GRID2: variants seen among roughly 807,000 people sequenced by gnomAD.
The protein encoded by GRID2 is glutamate ionotropic receptor delta type subunit 2.
In GRID2, 33 loss-of-function variants were observed where a neutral mutation model predicts 114.8. The ratio of observed to expected loss-of-function variants is 0.29; its 90% CI spans 0.22 to 0.38. The LOEUF (loss-of-function observed/expected upper bound fraction) is 0.38, where lower values mean the gene tolerates loss of function less well. Ranked by LOEUF, GRID2 falls within the 10% of genes least tolerant of loss-of-function variation. GRID2 has a pLI of 1.00. For missense variants in GRID2, 1,184 were observed against 1,257.7 expected (o/e 0.94, Z 0.89); for synonymous variants, 505 against 449.9 (o/e 1.12, Z -1.55).
chr4:93,491,557 A>G (rs1041153983), intron 12 of GRID2, among the ~76,000 whole-genome samples: 2 of 151,996 alleles, frequency 1.3e-5, no homozygotes, highest in African/African-American at 4.8e-5. Flanking sequence ...ATAATGTTCT[A>G]TATATTGTTT....
intron 1 of GRID2, among the ~76,000 whole-genome samples, chr4:92,540,857 G>A (rs376758950): frequency 9.2e-5 from 14 of 152,072 alleles, no homozygotes; most frequent in East Asian, 3.9e-4. Flanking sequence ...TGTTTATTGC[G>A]GCACTATTCA....
At chr4:93,244,991 A>T (rs1046520398) in intron 8 of GRID2, among the ~76,000 whole-genome samples, 214 of 152,046 alleles carry the variant, frequency 1.4e-3, no homozygotes, top group Non-Finnish European at 2.0e-3. Context: ...TCATAGTTCT[A>T]ACAATGAATT....
chr4:92,717,081 C>T (rs1735587068), intron 2 of GRID2, among the ~76,000 whole-genome samples: 1 of 152,114 alleles, frequency 6.6e-6, no homozygotes. Context: ...AGTGCAATGA[C>T]CACTTAATAC....
chr4:93,310,043 C>CT (rs1755850165), intron 8 of GRID2, among the ~76,000 whole-genome samples: 1 of 152,048 alleles, frequency 6.6e-6, no homozygotes, highest in African/African-American at 2.4e-5. Context: ...CCTGATATTC[C>CT]ACTAGAAGGG....
At chr4:92,887,474 T>TCA (rs1746453004) in intron 2 of GRID2, among the ~76,000 whole-genome samples, 1 of 152,172 alleles carries the variant, frequency 6.6e-6, no homozygotes, top group African/African-American at 2.4e-5. Context: ...GCAGAAATCA[T>TCA]TTGTGTCATG....
At chr4:92,663,916 A>G (rs1419257104) in intron 2 of GRID2, among the ~76,000 whole-genome samples, 3 of 151,180 alleles carry the variant, frequency 2.0e-5, no homozygotes, top group Non-Finnish European at 3.0e-5. Flanking sequence ...TGATCTGTGT[A>G]TTTCACTTCA....
intron 2 of GRID2, among the ~76,000 whole-genome samples, chr4:93,004,097 T>C (rs1721269930): frequency 6.6e-6 from 1 of 151,920 alleles, no homozygotes; most frequent in Non-Finnish European, 1.5e-5. Flanking sequence ...TAAAATGTGG[T>C]ATATGCAAAA....
intron 9 of GRID2, among the ~76,000 whole-genome samples, chr4:93,403,226 A>G (rs771629038): frequency 2.0e-5 from 3 of 152,248 alleles, no homozygotes; most frequent in Admixed American, 6.6e-5. Flanking sequence ...GCTGATATCT[A>G]AAATAAACTT....
intron 13 of GRID2, among the ~76,000 whole-genome samples, chr4:93,612,140 C>CT (rs1740999000): frequency 6.6e-6 from 1 of 151,654 alleles, no homozygotes; most frequent in South Asian, 2.1e-4. Context: ...CAACCCCTGC[C>CT]TTTTTTTGTT....
chr4:92,712,414 G>A (rs971423556), intron 2 of GRID2, among the ~76,000 whole-genome samples: 1 of 151,880 alleles, frequency 6.6e-6, no homozygotes, highest in African/African-American at 2.4e-5. Context: ...CTAAGAGTTT[G>A]CACTTGTATC....
chr4:93,789,887 G>A lies in GRID2; in HGVS notation c.222-16828G>A, dbSNP rs1734662533. ...TGTTAGGAACTGGGCTGCACAGCAA[G>A]AAGTGAATGGGGGTAAGTGAGCACT... On this transcript the variant is annotated intron_variant, in intron 1 of 1. Coordinates refer to the GRID2 transcript ENST00000637838. Among the ~76,000 whole-genome samples the A allele has an allele frequency of 2.0e-5, 3 of 152,180 alleles. 1 individual carries two copies. Among genetic ancestry groups the A allele is most frequent in the Admixed American group, 2.0e-4 (3 of 15,284 alleles).
chr4:93,212,253 T>G (rs1468715104), intron 5 of GRID2, among the ~76,000 whole-genome samples: 2 of 152,168 alleles, frequency 1.3e-5, no homozygotes, highest in African/African-American at 4.8e-5. Flanking sequence ...TTTAATCTTA[T>G]TGCATCAATA....
chr4:92,305,428 C>T (rs1725328765), intron 1 of GRID2, among the ~76,000 whole-genome samples: 1 of 152,148 alleles, frequency 6.6e-6, no homozygotes, highest in Non-Finnish European at 1.5e-5. Context: ...CGGGGCCTGG[C>T]GCGGCGGCGA....
At chr4:92,308,315 A>G (rs1319478725) in intron 1 of GRID2, among the ~76,000 whole-genome samples, 1 of 152,188 alleles carries the variant, frequency 6.6e-6, no homozygotes, top group African/African-American at 2.4e-5. Flanking sequence ...CTGATTGTAA[A>G]TTAGCTGTCC....
Position 92,441,933 on chromosome 4 carries a change from C to T in GRID2, c.88+137189C>T, listed in dbSNP as rs574587724. Among the ~76,000 whole-genome samples, 483 of 151,566 alleles carry T rather than the reference C, an allele frequency of 3.2e-3. 4 individuals are homozygous for T. The highest frequency in any genetic ancestry group is 0.011 in the African/African-American group (447 of 41,360). On this transcript the variant is annotated intron_variant, in intron 1 of 15. Transcript: ENST00000282020. ...AGCAGATAATTTAGTTAAAGTGTCT[C>T]AGCCTAATAAGGGAACTGGGCAGGT...
At chr4:92,367,644 A>C (rs1283079193) in intron 1 of GRID2, among the ~76,000 whole-genome samples, 1 of 152,124 alleles carries the variant, frequency 6.6e-6, no homozygotes, top group Non-Finnish European at 1.5e-5. Flanking sequence ...AGCTGTGATC[A>C]CTTAGGATAC....
chr4:92,877,097 A>C (rs1745687648), intron 2 of GRID2, among the ~76,000 whole-genome samples: 1 of 152,238 alleles, frequency 6.6e-6, no homozygotes, highest in Non-Finnish European at 1.5e-5. Flanking sequence ...AAAACTCTCC[A>C]TTAAAAGAAC....
At chr4:92,553,835 A>T (rs750057284) in intron 1 of GRID2, among the ~76,000 whole-genome samples, 1 of 152,100 alleles carries the variant, frequency 6.6e-6, no homozygotes, top group Non-Finnish European at 1.5e-5. Flanking sequence ...TATTTTTAGT[A>T]GAGACGGGCT....
chr4:92,794,874 T>TTTTATA (rs139320071), intron 2 of GRID2, among the ~76,000 whole-genome samples: 37 of 106,034 alleles, frequency 3.5e-4, no homozygotes, highest in Non-Finnish European at 4.3e-4. Context: ...AATAATTGTT[T>TTTTATA]TATATATATA....
Sources: allele counts gnomAD v4.1 joint callset (sites outside exome capture counted in the v4.1 genomes callset), GRCh38; gene constraint gnomAD v4.1.1; transcripts MANE v1.5; gene names NCBI Gene and HGNC (gene_info 2026-07-23, HGNC 2026-07-21).